STIM2: variants seen among roughly 807,000 people sequenced by gnomAD.
STIM2 encodes the protein stromal interaction molecule 2.
A neutral mutation model predicts 85.8 loss-of-function variants in STIM2; 31 were observed. The ratio of observed to expected loss-of-function variants is 0.36; its 90% CI spans 0.27 to 0.49. The LOEUF (loss-of-function observed/expected upper bound fraction) is 0.49. Ranked by LOEUF, STIM2 falls within the 20% of genes least tolerant of loss-of-function variation. STIM2 has a pLI of 0.98. For synonymous variants in STIM2, 356 were observed against 331.1 expected, an observed-to-expected ratio of 1.08 and a Z score of -0.82; for missense variants, 841 against 927.6, an observed-to-expected ratio of 0.91 and a Z score of 1.21.
intron 2 of STIM2, among the ~76,000 whole-genome samples, chr4:26,955,066 A>G (rs1726195644): frequency 6.8e-6 from 1 of 146,700 alleles, no homozygotes; most frequent in Admixed American, 6.7e-5. Context: ...AATTTCTTAG[A>G]AATTTTATTT....
intron 3 of STIM2, among the ~76,000 whole-genome samples, chr4:26,983,182 C>T (rs1727462881): frequency 1.3e-5 from 2 of 152,158 alleles, no homozygotes; most frequent in Non-Finnish European, 2.9e-5. Flanking sequence ...GCACACTATC[C>T]AGTAACTTGG....
chr4:26,916,216 T>A (rs1212628051), intron 1 of STIM2, among the ~76,000 whole-genome samples: 1 of 152,212 alleles, frequency 6.6e-6, no homozygotes, highest in Non-Finnish European at 1.5e-5. Context: ...TTCACAGCTA[T>A]TCTAAATTAG....
At chr4:26,990,320 A>G (rs1441697608) in intron 3 of STIM2, among the ~76,000 whole-genome samples, 1 of 152,136 alleles carries the variant, frequency 6.6e-6, no homozygotes, top group Non-Finnish European at 1.5e-5. Context: ...TAGCCAACTC[A>G]TTTTCAACAA....
At chr4:26,960,693 T>G (rs1176634926) in intron 3 of STIM2, among the ~76,000 whole-genome samples, 1 of 152,192 alleles carries the variant, frequency 6.6e-6, no homozygotes. Context: ...AATGACAGTT[T>G]ATGGGAAAAA....
intron 2 of STIM2, among the ~76,000 whole-genome samples, chr4:26,953,199 T>C (rs1304226172): frequency 6.6e-6 from 1 of 152,182 alleles, no homozygotes; most frequent in East Asian, 1.9e-4. Flanking sequence ...AATGGGTGTA[T>C]TGGGAAACCT....
rs201149830 is a variant in STIM2 at position 27,002,298 on chromosome 4, C to T, written c.707C>T (p.Thr236Met). The stretch of plus-strand genomic sequence containing the variant: ...GTTGGAGGCTGCTGGTTTGCTTATA[C>T]GCAGAATAAGACATCAAAAGAACAT... The change falls in exon 6 of 12, where the codon ACG becomes ATG. Residue 236 changes from threonine (T) to methionine (M), a missense_variant. Coordinates refer to ENST00000467087, the MANE Select transcript of STIM2 (RefSeq NM_020860.4). 1.4e-5 allele frequency: 22 copies of T among 1,613,330 alleles called. No homozygotes were observed. Among genetic ancestry groups the T allele is most frequent in the East Asian group, 6.7e-5 (3 of 44,798 alleles).
At chr4:26,912,981 A>G (rs1189364417) in intron 1 of STIM2, among the ~76,000 whole-genome samples, 2 of 152,108 alleles carry the variant, frequency 1.3e-5, no homozygotes, top group Non-Finnish European at 2.9e-5. Flanking sequence ...CCCGCCATTG[A>G]CCGCCAGTAG....
chr4:26,869,017 G>A (rs1280827109), intron 1 of STIM2, among the ~76,000 whole-genome samples: 5 of 152,090 alleles, frequency 3.3e-5, no homozygotes, highest in Non-Finnish European at 5.9e-5. Flanking sequence ...GTTTGGGGTC[G>A]TACGCTGTAG....
At chr4:26,989,588 CA>C (rs1168274840) in intron 3 of STIM2, among the ~76,000 whole-genome samples, 4 of 152,132 alleles carry the variant, frequency 2.6e-5, no homozygotes, top group Non-Finnish European at 4.4e-5. Context: ...CACTTTTATT[CA>C]GTGTAATACC....
intron 1 of STIM2, chr4:26,873,908 TG>T: frequency 7.2e-7 from 1 of 1,379,468 alleles, no homozygotes; most frequent in Non-Finnish European, 1.0e-6. Context: ...TGCGGCTGAG[TG>T]GACAGGGGCG....
chr4:26,987,098 A>C (rs181753593), intron 3 of STIM2, among the ~76,000 whole-genome samples: 3 of 152,202 alleles, frequency 2.0e-5, no homozygotes, highest in African/African-American at 7.2e-5. Context: ...GGATGTACCT[A>C]TGCATGACTC....
At chr4:26,964,229 A>T (rs921531326) in intron 3 of STIM2, among the ~76,000 whole-genome samples, 4 of 152,158 alleles carry the variant, frequency 2.6e-5, no homozygotes. Flanking sequence ...GTGCTTACCA[A>T]TCCATAGTGA....
At chr4:26,970,683 T>C (rs981000486) in intron 3 of STIM2, among the ~76,000 whole-genome samples, 6 of 152,224 alleles carry the variant, frequency 3.9e-5, no homozygotes, top group African/African-American at 1.2e-4. Flanking sequence ...TTTGCTATTG[T>C]GAATAGTGCC....
chr4:26,955,996 A>G (rs1726224528), intron 2 of STIM2, among the ~76,000 whole-genome samples: 1 of 151,988 alleles, frequency 6.6e-6, no homozygotes, highest in Admixed American at 6.6e-5. Context: ...GTAGACAGCA[A>G]CTCTACTCAG....
chr4:27,023,139 C>A lies in STIM2; in HGVS notation c.*143C>A. The A allele has an allele frequency of 1.3e-6, 1 of 749,266 alleles. No homozygotes were observed. Among genetic ancestry groups the A allele is most frequent in the Non-Finnish European group, 2.2e-6 (1 of 451,464 alleles). The allele number at this position is 749,266 out of a possible 1,614,324, so 46.4% of individuals were successfully genotyped here. A position where few individuals can be genotyped will look rare whatever the true frequency, so the allele number is the denominator to read the frequency against. On this transcript the variant is annotated 3_prime_UTR_variant, in exon 12 of 12. Coordinates refer to ENST00000467087, the MANE Select transcript of STIM2 (RefSeq NM_020860.4). ...CAGGCCGGATGCCATAGTGGAACAT[C>A]CAGAAGGGCAACTGTCTACTGTCTG...
intron 4 of STIM2, among the ~76,000 whole-genome samples, chr4:26,998,997 T>C (rs1728056010): frequency 6.6e-6 from 1 of 152,084 alleles, no homozygotes; most frequent in African/African-American, 2.4e-5. Flanking sequence ...ACCAAAACTT[T>C]TTCAATGTAG....
chr4:26,971,169 A>G (rs1726933680), intron 3 of STIM2, among the ~76,000 whole-genome samples: 1 of 152,126 alleles, frequency 6.6e-6, no homozygotes. Flanking sequence ...CTAGATTGCA[A>G]AAATTTTCTC....
intron 1 of STIM2, among the ~76,000 whole-genome samples, chr4:26,868,861 C>T (rs1006254656): frequency 1.3e-5 from 2 of 152,182 alleles, no homozygotes; most frequent in African/African-American, 4.8e-5. Flanking sequence ...TGCTTTGCCA[C>T]ACATATTCAG....
chr4:26,880,471 A>T (rs1193572655), intron 1 of STIM2, among the ~76,000 whole-genome samples: 2 of 151,854 alleles, frequency 1.3e-5, no homozygotes, highest in Admixed American at 6.6e-5. Flanking sequence ...TATCCACAGA[A>T]ATATAAGCTG....
Sources: allele counts gnomAD v4.1 joint callset (sites outside exome capture counted in the v4.1 genomes callset), GRCh38; gene constraint gnomAD v4.1.1; transcripts MANE v1.5; gene names NCBI Gene and HGNC (gene_info 2026-07-23, HGNC 2026-07-21).